The following SLC23A2 variants were observed in gnomAD, a reference collection of about 807,000 sequenced individuals.
SLC23A2 encodes the protein solute carrier family 23 member 2.
SLC23A2 carries 36 observed loss-of-function variants against 73.3 expected under a neutral mutation model. That is an observed-to-expected ratio of 0.49 (90% confidence interval 0.38 to 0.65). SLC23A2 has a LOEUF of 0.65. Ranked by LOEUF, SLC23A2 falls within the 30% of genes least tolerant of loss-of-function variation. The probability of loss-of-function intolerance (pLI) is 0.00; values close to 1 mark genes in which losing one functional copy is unlikely to be tolerated. For synonymous variants in SLC23A2, 343 were observed against 327.3 expected (o/e 1.05, Z -0.52); for missense variants, 507 against 841.6 (o/e 0.60, Z 4.92).
intron 1 of SLC23A2, among the ~76,000 whole-genome samples, chr20:4,996,550 G>A (rs1348282593): frequency 1.3e-5 from 2 of 152,046 alleles, no homozygotes; most frequent in African/African-American, 2.4e-5. Flanking sequence ...GCCGGGTACA[G>A]TGGTATGCAC....
At chr20:4,995,425 C>T (rs986767796) in intron 1 of SLC23A2, among the ~76,000 whole-genome samples, 18 of 152,260 alleles carry the variant, frequency 1.2e-4, no homozygotes, top group African/African-American at 4.1e-4. Context: ...GGAATCTCCC[C>T]GTGCCTTTCC....
chr20:4,956,639 T>TA (rs2087292719), intron 2 of SLC23A2, among the ~76,000 whole-genome samples: 1 of 152,084 alleles, frequency 6.6e-6, no homozygotes, highest in East Asian at 1.9e-4. Context: ...GCCATTCGAT[T>TA]AGTAATTCAA....
intron 1 of SLC23A2, among the ~76,000 whole-genome samples, chr20:4,974,198 C>T (rs1332517811): frequency 4.6e-5 from 7 of 152,132 alleles, no homozygotes; most frequent in African/African-American, 9.6e-5. Context: ...CAGCCAGGCG[C>T]GGTGGTTTAT....
At chr20:4,955,129 T>C (rs1459934516) in intron 2 of SLC23A2, among the ~76,000 whole-genome samples, 1 of 151,900 alleles carries the variant, frequency 6.6e-6, no homozygotes, top group Non-Finnish European at 1.5e-5. Flanking sequence ...GGTGCATGCC[T>C]GTGGTCCCAG....
At chr20:4,870,183 CTG>C in intron 11 of SLC23A2, 130 bp from the exon 12 acceptor site, 1 of 777,032 alleles carries the variant, frequency 1.3e-6, no homozygotes, top group South Asian at 2.1e-5. Context: ...CTCATGGAAA[CTG>C]TTCATTTTAA....
chr20:4,965,768 A>G (rs952722427), intron 2 of SLC23A2, among the ~76,000 whole-genome samples: 3 of 152,114 alleles, frequency 2.0e-5, no homozygotes, highest in Non-Finnish European at 2.9e-5. Flanking sequence ...GGAGTTGGAG[A>G]CCAGTGTGGC....
chr20:4,900,654 G>A (rs980436118), intron 5 of SLC23A2, among the ~76,000 whole-genome samples: 5 of 152,066 alleles, frequency 3.3e-5, no homozygotes, highest in Admixed American at 6.5e-5. Context: ...CAAAGAATTC[G>A]TCTGTTCCAG....
chr20:4,941,023 G>A (rs115805570), intron 2 of SLC23A2, among the ~76,000 whole-genome samples: 1,743 of 152,146 alleles, frequency 0.011, 28 homozygotes, highest in African/African-American at 0.039. Context: ...CAGCGTGGTG[G>A]TGCACGCCTA....
At chr20:4,964,404 T>C (rs572180897) in intron 2 of SLC23A2, among the ~76,000 whole-genome samples, 1 of 152,156 alleles carries the variant, frequency 6.6e-6, no homozygotes, top group Non-Finnish European at 1.5e-5. Flanking sequence ...GCAAAATAAT[T>C]AAAACAGGCT....
rs573371392 is a variant in SLC23A2, at chr20:4,866,145, T to C, written c.1356+1625A>G. On this transcript the variant is annotated intron_variant, in intron 13 of 16. Coordinates refer to ENST00000338244, the MANE Select transcript of SLC23A2 (RefSeq NM_005116.6). Reference sequence around the variant, plus strand: ...ACCGTACCCAGCCAATATCCTCCCATATACTTTAAATCATCTCGACATTAC... The same window carrying C: ...ACCGTACCCAGCCAATATCCTCCCACATACTTTAAATCATCTCGACATTAC... Among the ~76,000 whole-genome samples the C allele has an allele frequency of 3.3e-5, 5 of 152,310 alleles. No homozygotes were observed. In the South Asian group the frequency reaches 6.2e-4, roughly 19 times the overall value.
At chr20:4,908,600 G>A (rs1364508421) in intron 4 of SLC23A2, among the ~76,000 whole-genome samples, 10 of 152,210 alleles carry the variant, frequency 6.6e-5, no homozygotes, top group Non-Finnish European at 1.3e-4. Flanking sequence ...ATTAGGTATT[G>A]TATGACTAAT....
At chr20:4,995,297 G>T (rs1477449337) in intron 1 of SLC23A2, among the ~76,000 whole-genome samples, 1 of 152,118 alleles carries the variant, frequency 6.6e-6, no homozygotes, top group Non-Finnish European at 1.5e-5. Context: ...AGGCAAACAA[G>T]GCAGGAGCAA....
At chr20:4,915,639 G>A (rs183668863) in intron 3 of SLC23A2, among the ~76,000 whole-genome samples, 605 of 152,282 alleles carry the variant, frequency 4.0e-3, no homozygotes, top group Middle Eastern at 6.8e-3. Context: ...ACCTAGGTCT[G>A]AAGTGGGTTT....
intron 1 of SLC23A2, among the ~76,000 whole-genome samples, chr20:4,972,497 GT>G (rs776910251): frequency 2.4e-4 from 36 of 149,068 alleles, no homozygotes; most frequent in Non-Finnish European, 4.6e-4. Flanking sequence ...AAAAAAAGTA[GT>G]AATTTATTTC....
rs931709193 is a variant in SLC23A2 at position 4,863,405 on chromosome 20, C to T, written c.1357-498G>A. Among the ~76,000 whole-genome samples the T allele has an allele frequency of 1.3e-5, 2 of 152,230 alleles. No individual in the cohort carries two copies. Among genetic ancestry groups the T allele is most frequent in the Non-Finnish European group, 2.9e-5 (2 of 68,038 alleles). On this transcript the variant is annotated intron_variant, in intron 13 of 16. Transcript: ENST00000338244. The surrounding 1 kb of genome is among the most constrained non-coding windows in gnomAD (Gnocchi z 4.8). Reference sequence around the variant, plus strand: ...ATCTGGAGCCTGACTGCGGGCTCTTCTCCTGGCCCACGTCTGACTGTATGG... The same window carrying T: ...ATCTGGAGCCTGACTGCGGGCTCTTTTCCTGGCCCACGTCTGACTGTATGG...
At position 4,902,298 on chromosome 20, in the gene SLC23A2, T is replaced by C. The variant is rs1237121518; in HGVS notation, c.324+144A>G. 5.5e-6 allele frequency: 3 copies of C among 543,918 alleles called. No individual in the cohort carries two copies. Among genetic ancestry groups the C allele is most frequent in the Non-Finnish European group, 9.8e-6 (3 of 307,296 alleles). 33.7% of individuals were successfully genotyped at this position (543,918 alleles called of 1,614,324 possible). ...GGATTACAGGCATCAGCCACTGTGC[T>C]CAGCCCCTACTCATCACTCTTAAAA... On this transcript the variant is annotated intron_variant, in intron 5 of 16. Transcript: ENST00000338244. The surrounding 1 kb of genome is among the most constrained non-coding windows in gnomAD (Gnocchi z 4.0).
chr20:4,934,227 T>C (rs1055958214), intron 2 of SLC23A2, among the ~76,000 whole-genome samples: 1 of 152,182 alleles, frequency 6.6e-6, no homozygotes, highest in African/African-American at 2.4e-5. Flanking sequence ...CAGAGTAATT[T>C]TGCCCTGCAG....
rs371452992 is a variant in SLC23A2 at position 4,991,065 on chromosome 20, G to C, written c.-282+10341C>G. Among the ~76,000 whole-genome samples, 16 of 152,012 alleles carry C rather than the reference G, an allele frequency of 1.1e-4. No individual in the cohort carries two copies. The South Asian group carries it at 3.3e-3, about 32-fold the overall frequency. The stretch of plus-strand genomic sequence containing the variant: ...TCTATACCAGTTAGTAATAGCGGGT[G>C]GGAGGGAGGTGTGAGGGGAGATAAT... On this transcript the variant is annotated intron_variant, in intron 1 of 16. Transcript: ENST00000338244.
intron 1 of SLC23A2, among the ~76,000 whole-genome samples, chr20:4,972,750 TA>T (rs2087584002): frequency 6.6e-6 from 1 of 152,110 alleles, no homozygotes; most frequent in Non-Finnish European, 1.5e-5. Flanking sequence ...CATGCCTGGC[TA>T]ATTTTTTGTA....
Sources: gnomAD v4.1 joint callset for allele counts (sites outside exome capture counted in the v4.1 genomes callset) on GRCh38, gnomAD v4.1.1 for gene constraint, Gnocchi (gnomAD v3.1) non-coding constraint, MANE v1.5 for transcripts, NCBI Gene and HGNC (gene_info 2026-07-23, HGNC 2026-07-21) for gene names.